MYO5B: variants seen among roughly 807,000 people sequenced by gnomAD.
MYO5B encodes myosin VB.
A neutral mutation model predicts 229.3 loss-of-function variants in MYO5B; 143 were observed. That is an observed-to-expected ratio of 0.62 (90% confidence interval 0.54 to 0.72). MYO5B has a LOEUF of 0.72. Ranked by LOEUF, MYO5B falls within the 30% of genes least tolerant of loss-of-function variation. The pLI is 0.00. For missense variants in MYO5B, 2,321 were observed against 2,331.0 expected, an observed-to-expected ratio of 1.00 and a Z score of 0.09; for synonymous variants, 918 against 885.2, an observed-to-expected ratio of 1.04 and a Z score of -0.66.
At chr18:50,022,594 T>C (rs894480288) in intron 4 of MYO5B, among the ~76,000 whole-genome samples, 5 of 152,188 alleles carry the variant, frequency 3.3e-5, no homozygotes, top group South Asian at 2.1e-4. Flanking sequence ...ATCATGATAA[T>C]TGTCTTGAAA....
intron 1 of MYO5B, among the ~76,000 whole-genome samples, chr18:50,059,105 T>C (rs2030623056): frequency 6.6e-6 from 1 of 152,204 alleles, no homozygotes; most frequent in South Asian, 2.1e-4. Flanking sequence ...TACAGCAAGA[T>C]CTTCCAAATA....
chr18:49,904,867 G>T, intron 19 of MYO5B, 39 bp from the exon 20 acceptor site: 1 of 1,608,124 alleles, frequency 6.2e-7, no homozygotes, highest in Non-Finnish European at 8.5e-7. Flanking sequence ...CAGGGAGAGA[G>T]TATTGACCGC....
Position 49,849,622 on chromosome 18 carries a change from C to T in MYO5B, c.4260G>A (p.Glu1420=). 1 of 1,613,936 alleles carries T rather than the reference C, an allele frequency of 6.2e-7. No homozygotes were observed. The highest frequency in any genetic ancestry group is 8.5e-7 in the Non-Finnish European group (1 of 1,179,944). Residue 1420 remains glutamate (E), a synonymous_variant, in exon 32 of 40, where the codon GAG becomes GAA. Transcript: ENST00000285039. The part of the protein sequence containing the change: ...KELVEKLEKN[E]RKLKKQLKIY... Reference sequence around the variant, plus strand: ...TCTTCAGTTGCTTTTTGAGCTTCCTCTCATTCTTTTCCAGCTTTTCTACCA... The same window carrying T: ...TCTTCAGTTGCTTTTTGAGCTTCCTTTCATTCTTTTCCAGCTTTTCTACCA...
chr18:50,007,331 C>G (rs1031535916), intron 4 of MYO5B, among the ~76,000 whole-genome samples: 11 of 152,184 alleles, frequency 7.2e-5, no homozygotes, highest in African/African-American at 2.7e-4. Flanking sequence ...TATTGAACTT[C>G]TCTCCAGGGT....
At chr18:49,952,186 A>G (rs1181214287) in intron 14 of MYO5B, among the ~76,000 whole-genome samples, 1 of 152,194 alleles carries the variant, frequency 6.6e-6, no homozygotes. Context: ...TTTGCTGGAT[A>G]TATTTTCTCC....
chr18:50,070,668 C>G (rs77269149), intron 1 of MYO5B, among the ~76,000 whole-genome samples: 1,962 of 152,182 alleles, frequency 0.013, 35 homozygotes, highest in African/African-American at 0.045. Flanking sequence ...TCATCCTGCA[C>G]GATACCATTC....
intron 1 of MYO5B, among the ~76,000 whole-genome samples, chr18:50,172,112 C>G (rs889290999): frequency 1.5e-4 from 23 of 152,000 alleles, no homozygotes; most frequent in Admixed American, 5.2e-4. Flanking sequence ...AAGACCCCAT[C>G]TCTACAAAAA....
At chr18:50,029,222 G>A (rs1005191995) in intron 4 of MYO5B, among the ~76,000 whole-genome samples, 1 of 152,182 alleles carries the variant, frequency 6.6e-6, no homozygotes, top group Non-Finnish European at 1.5e-5. Context: ...CTAGGGGAGG[G>A]AGATAGGTGT....
At chr18:50,081,269 G>A (rs1382353079) in intron 1 of MYO5B, among the ~76,000 whole-genome samples, 1 of 152,190 alleles carries the variant, frequency 6.6e-6, no homozygotes, top group African/African-American at 2.4e-5. Flanking sequence ...GCTGACCAAA[G>A]ATGACCTGTT....
rs560478325 is a variant in MYO5B, at chr18:50,193,089, T to A, written c.27+1678A>T. Among the ~76,000 whole-genome samples, 3 of 152,354 alleles carry A rather than the reference T, an allele frequency of 2.0e-5. No homozygotes were observed. The South Asian group carries it at 6.2e-4, about 32-fold the overall frequency. The stretch of plus-strand genomic sequence containing the variant: ...GCTTCGGCTCTTTGAGCACTCCAGT[T>A]CAGATTTTTCCCCTGCCTCACTGGC... On this transcript the variant is annotated intron_variant, in intron 1 of 39. Transcript: ENST00000285039.
At chr18:50,063,619 G>A (rs546686978) in intron 1 of MYO5B, among the ~76,000 whole-genome samples, 58 of 152,314 alleles carry the variant, frequency 3.8e-4, no homozygotes, top group African/African-American at 1.3e-3. Flanking sequence ...TGCGGTAACT[G>A]CATAGTCACA....
At chr18:49,852,391 G>A (rs1040650265) in intron 31 of MYO5B, among the ~76,000 whole-genome samples, 7 of 152,294 alleles carry the variant, frequency 4.6e-5, no homozygotes, top group Admixed American at 1.3e-4. Context: ...GGTAACACAC[G>A]TATATGCAAC....
intron 4 of MYO5B, among the ~76,000 whole-genome samples, chr18:50,008,224 T>C (rs987370095): frequency 1.3e-5 from 2 of 152,126 alleles, no homozygotes; most frequent in East Asian, 3.9e-4. Context: ...CCACCCACCT[T>C]TAACCATCCT....
chr18:50,097,875 A>G, intron 1 of MYO5B, among the ~76,000 whole-genome samples: 1 of 152,236 alleles, frequency 6.6e-6, no homozygotes, highest in Non-Finnish European at 1.5e-5. Flanking sequence ...GAGGAGGAGC[A>G]GAGAATGAAA....
At position 50,134,601 on chromosome 18, in the gene MYO5B, T is replaced by TA. The variant is rs1177341661; in HGVS notation, c.27+60165dup. On this transcript the variant is annotated intron_variant, in intron 1 of 39. Transcript: ENST00000285039. ...ATAAATAAATAAATAAATAAATAAA[T>TA]AATAGCAGCCTCAAGGGTTAGTATT... 1.0e-4 allele frequency among the ~76,000 whole-genome samples: 14 copies of TA among 135,650 alleles called. No individual in the cohort carries two copies. In the South Asian group the frequency reaches 1.8e-3, roughly 17 times the overall value. The allele number at this position is 135,650 out of a possible 152,430, so 89.0% of individuals were successfully genotyped here.
chr18:50,033,405 G>A (rs77899128), intron 4 of MYO5B, among the ~76,000 whole-genome samples: 201 of 152,210 alleles, frequency 1.3e-3, no homozygotes, highest in African/African-American at 4.4e-3. Flanking sequence ...ATGACACCGT[G>A]GCACAGTTTC....
In MYO5B at chr18:49,853,745, C is replaced by A. The variant is rs1598834010; in HGVS notation, c.4023-98G>T. ...CATAACAGGGGAGCAGCCAAGCACA[C>A]AGCAGCAGCGGTTGCACATCCCCCA... On this transcript the variant is annotated intron_variant, in intron 30 of 39. Coordinates refer to ENST00000285039, the MANE Select transcript of MYO5B (RefSeq NM_001080467.3). The A allele has an allele frequency of 1.1e-5, 13 of 1,132,692 alleles. No individual in the cohort carries two copies. In the South Asian group the frequency reaches 1.6e-4, roughly 14 times the overall value. 70.2% of individuals were successfully genotyped at this position (1,132,692 alleles called of 1,614,324 possible).
chr18:50,084,592 G>A (rs1417571031), intron 1 of MYO5B, among the ~76,000 whole-genome samples: 2 of 152,188 alleles, frequency 1.3e-5, no homozygotes, highest in African/African-American at 4.8e-5. Flanking sequence ...GTTGGGAAGA[G>A]CCCGCATCGC....
intron 35 of MYO5B, among the ~76,000 whole-genome samples, chr18:49,840,809 G>A (rs1192707177): frequency 6.6e-6 from 1 of 152,226 alleles, no homozygotes; most frequent in Non-Finnish European, 1.5e-5. Flanking sequence ...GGATTGTGAA[G>A]TGATGGGGTT....
Sources: gnomAD v4.1 joint callset for allele counts (sites outside exome capture counted in the v4.1 genomes callset) on GRCh38, gnomAD v4.1.1 for gene constraint, MANE v1.5 for transcripts, NCBI Gene and HGNC (gene_info 2026-07-23, HGNC 2026-07-21) for gene names.